TESK2: variants seen among roughly 807,000 people sequenced by gnomAD.
TESK2 encodes testis associated actin remodelling kinase 2, also known as dual specificity testis-specific protein kinase 2.
Under a neutral mutation model 57.1 loss-of-function variants are expected in TESK2, and 39 were observed. The ratio of observed to expected loss-of-function variants is 0.68; its 90% CI spans 0.53 to 0.89. The LOEUF (loss-of-function observed/expected upper bound fraction) is 0.89. Among genes scored for constraint, TESK2 ranks in the 40% least tolerant of loss-of-function variants. TESK2 has a pLI of 0.00. For synonymous variants in TESK2, 249 were observed against 267.9 expected, an observed-to-expected ratio of 0.93 and a Z score of 0.69; for missense variants, 646 against 732.1, an observed-to-expected ratio of 0.88 and a Z score of 1.36.
chr1:45,464,992 T>A (rs1652484852), intron 1 of TESK2, among the ~76,000 whole-genome samples: 1 of 152,024 alleles, frequency 6.6e-6, no homozygotes, highest in East Asian at 1.9e-4. Context: ...ATCCCAGCAC[T>A]TTGGGAGGCC....
intron 6 of TESK2, 34 bp from the exon 7 acceptor site, chr1:45,347,727 C>T: frequency 1.2e-6 from 2 of 1,605,642 alleles, no homozygotes; most frequent in Non-Finnish European, 1.7e-6. Flanking sequence ...AATGAGCTTG[C>T]CAATGGCTGG....
chr1:45,386,812 C>T (rs1169066245), intron 3 of TESK2, among the ~76,000 whole-genome samples: 2 of 152,082 alleles, frequency 1.3e-5, no homozygotes, highest in East Asian at 1.9e-4. Context: ...CGCCACCACG[C>T]CCAGCTAATT....
intron 2 of TESK2, among the ~76,000 whole-genome samples, chr1:45,440,585 G>A (rs1169090483): frequency 6.6e-6 from 1 of 151,920 alleles, no homozygotes; most frequent in African/African-American, 2.4e-5. Context: ...GCATGGTGGT[G>A]TGTGCTTGTA....
In TESK2 at chr1:45,394,483, CAAACCCATG is replaced by C. The variant is rs368312376; in HGVS notation, c.345-8532_345-8524del. ...TTTGTACTTTAGACCACTGTGGAAA[CAAACCCATG>C]AAGGATCTTGTCAAAATGCAGACTC... On this transcript the variant is annotated intron_variant, in intron 3 of 10. Transcript: ENST00000372086. 3.0e-3 allele frequency among the ~76,000 whole-genome samples: 461 copies of C among 151,866 alleles called. 2 individuals carry two copies. Among genetic ancestry groups the C allele is most frequent in the African/African-American group, 0.01 (430 of 41,442 alleles).
At chr1:45,347,090 C>A in intron 7 of TESK2, 28 bp from the exon 8 acceptor site, 1 of 1,608,344 alleles carries the variant, frequency 6.2e-7, no homozygotes, top group South Asian at 1.1e-5. Context: ...TTTGGTTTCC[C>A]TCTTAATGGG....
intron 2 of TESK2, among the ~76,000 whole-genome samples, chr1:45,423,579 TAA>T (rs1181402471): frequency 5.1e-5 from 7 of 138,200 alleles, no homozygotes; most frequent in African/African-American, 1.9e-4. Context: ...AAAAAATCTA[TAA>T]AAAAAAAAAA....
chr1:45,359,034 T>G (rs1208532147), intron 4 of TESK2, among the ~76,000 whole-genome samples: 2 of 152,250 alleles, frequency 1.3e-5, no homozygotes, highest in African/African-American at 2.4e-5. Flanking sequence ...AGCCTAAAAT[T>G]TATATCTTAA....
chr1:45,457,420 G>T (rs570963403), intron 2 of TESK2, 144 bp downstream of exon 2: 2 of 686,262 alleles, frequency 2.9e-6, no homozygotes, highest in Admixed American at 2.9e-5. Flanking sequence ...TTAATAAATA[G>T]CTTGAAAGGA....
chr1:45,490,084 C>T lies in TESK2; in HGVS notation c.-87+768G>A, dbSNP rs184828032. ...CTCGTTTTCTGCCTACCTGGCCTTT[C>T]CGCCTCCACGGTCTTCACTTTCAAT... On this transcript the variant is annotated intron_variant, in intron 1 of 10. Coordinates refer to ENST00000372086, the MANE Select transcript of TESK2 (RefSeq NM_007170.3). Among the ~76,000 whole-genome samples the T allele has an allele frequency of 4.0e-4, 61 of 152,328 alleles. 1 individual carries two copies. The highest frequency in any genetic ancestry group is 1.4e-3 in the African/African-American group (59 of 41,566).
intron 1 of TESK2, among the ~76,000 whole-genome samples, chr1:45,483,358 G>A (rs958477285): frequency 6.6e-6 from 1 of 152,030 alleles, no homozygotes; most frequent in Non-Finnish European, 1.5e-5. Context: ...CACTTTGGGA[G>A]GCCGAGGCAG....
At chr1:45,352,713 G>A (rs1023054951) in intron 5 of TESK2, among the ~76,000 whole-genome samples, 2 of 152,280 alleles carry the variant, frequency 1.3e-5, no homozygotes, top group Non-Finnish European at 2.9e-5. Flanking sequence ...CATCCTTGGA[G>A]CCAGGTATAG....
chr1:45,401,025 T>TAA (rs376070354), intron 3 of TESK2, among the ~76,000 whole-genome samples: 1,766 of 124,146 alleles, frequency 0.014, 18 homozygotes, highest in East Asian at 0.027. Flanking sequence ...GACTCTGTCT[T>TAA]AAAAAAAAAA....
rs949065406 is a variant in TESK2 at position 45,346,070 on chromosome 1, G to C, written c.880-76C>G. The C allele has an allele frequency of 1.3e-5, 15 of 1,161,172 alleles. No individual in the cohort carries two copies. The African/African-American group carries it at 1.5e-4, about 12-fold the overall frequency. 71.9% of individuals were successfully genotyped at this position (1,161,172 alleles called of 1,614,324 possible). A position where few individuals can be genotyped will look rare whatever the true frequency, so the allele number is the denominator to read the frequency against. On this transcript the variant is annotated intron_variant, in intron 9 of 10. Transcript: ENST00000372086. ...AAGATGGCATTTGAGTCTATTTCTG[G>C]CATCTTTGAAGATTCAGATGTGCAG...
At chr1:45,393,681 C>T (rs978337311) in intron 3 of TESK2, among the ~76,000 whole-genome samples, 3 of 147,274 alleles carry the variant, frequency 2.0e-5, no homozygotes, top group Admixed American at 1.4e-4. Context: ...ATGGAGGTTG[C>T]AGTGAGCTAA....
At chr1:45,396,847 G>A (rs1301203923) in intron 3 of TESK2, among the ~76,000 whole-genome samples, 2 of 103,024 alleles carry the variant, frequency 1.9e-5, no homozygotes, top group Non-Finnish European at 3.6e-5. Context: ...GTCTCACTTC[G>A]TTGCTCTGTT....
intron 2 of TESK2, among the ~76,000 whole-genome samples, chr1:45,426,125 T>G (rs578094215): frequency 6.6e-6 from 1 of 152,192 alleles, no homozygotes; most frequent in African/African-American, 2.4e-5. Context: ...CACTCCAGCC[T>G]AGGTGACAGA....
chr1:45,355,568 G>A, intron 4 of TESK2, 119 bp from the exon 5 acceptor site: 1 of 1,162,748 alleles, frequency 8.6e-7, no homozygotes, highest in East Asian at 2.6e-5. Context: ...AAGTTACTGA[G>A]GGCTTATTCT....
intron 3 of TESK2, among the ~76,000 whole-genome samples, chr1:45,403,615 CT>C (rs769848542): frequency 9.1e-4 from 138 of 152,240 alleles, no homozygotes; most frequent in Non-Finnish European, 1.5e-3. Context: ...GTCAATAGCA[CT>C]ACACATAATA....
chr1:45,373,028 C>CAAAAAAAAAAAAAAAA (rs200182758), intron 4 of TESK2, among the ~76,000 whole-genome samples: 1 of 61,040 alleles, frequency 1.6e-5, no homozygotes. Flanking sequence ...ATCTCCGTCT[C>CAAAAAAAAAAAAAAAA]AAAAAAAAAA....
Sources: gnomAD v4.1 joint callset for allele counts (sites outside exome capture counted in the v4.1 genomes callset) on GRCh38, gnomAD v4.1.1 for gene constraint, MANE v1.5 for transcripts, NCBI Gene and HGNC (gene_info 2026-07-23, HGNC 2026-07-21) for gene names.